Variants in COL4A1 observed in about 807,000 individuals in gnomAD.
COL4A1 encodes the protein collagen alpha-1(IV) chain.
COL4A1 carries 40 observed loss-of-function variants against 216.6 expected under a neutral mutation model. That is an observed-to-expected ratio of 0.18 (90% CI 0.14 to 0.24). COL4A1 has a LOEUF of 0.24. Ranked by LOEUF, COL4A1 falls within the 10% of genes least tolerant of loss-of-function variation. The probability of loss-of-function intolerance (pLI) is 1.00; values close to 1 mark genes in which losing one functional copy is unlikely to be tolerated. For missense variants in COL4A1, 1,628 were observed against 2,196.8 expected, an observed-to-expected ratio of 0.74 and a Z score of 5.18; for synonymous variants, 839 against 810.7, an observed-to-expected ratio of 1.03 and a Z score of -0.59.
rs7322509 is a variant in COL4A1 at position 110,227,397 on chromosome 13, C to A, written c.145-13382G>T. Reference sequence around the variant, plus strand: ...AGTATGGGTACGGTAGACACACACACACACACACACACACACACACACACA... The same window carrying A: ...AGTATGGGTACGGTAGACACACACAAACACACACACACACACACACACACA... On this transcript the variant is annotated intron_variant, in intron 2 of 51. Coordinates refer to ENST00000375820, the MANE Select transcript of COL4A1 (RefSeq NM_001845.6). Among the ~76,000 whole-genome samples the A allele has an allele frequency of 5.7e-3, 800 of 141,514 alleles. 7 individuals carry two copies. The highest frequency in any genetic ancestry group is 0.02 in the African/African-American group (761 of 37,842). 92.8% of individuals were successfully genotyped at this position (141,514 alleles called of 152,430 possible).
Position 110,169,871 on chromosome 13 carries a change from G to A in COL4A1, c.3743-109C>T. The stretch of plus-strand genomic sequence containing the variant: ...CACGGCCCCTCACTGATACAACACT[G>A]GACCAACAGTGACAACCCTTGAGAC... On this transcript the variant is annotated intron_variant, in intron 42 of 51. Transcript: ENST00000375820. 3 of 1,398,866 alleles carry A rather than the reference G, an allele frequency of 2.1e-6. No homozygotes were observed. In the South Asian group the frequency reaches 3.4e-5, roughly 16 times the overall value. 86.7% of individuals were successfully genotyped at this position (1,398,866 alleles called of 1,614,324 possible). A position where few individuals can be genotyped will look rare whatever the true frequency, so the allele number is the denominator to read the frequency against.
chr13:110,152,531 G>A (rs762912619), intron 50 of COL4A1, 25 bp from the exon 51 acceptor site: 3 of 1,598,374 alleles, frequency 1.9e-6, no homozygotes, highest in Admixed American at 1.7e-5. Flanking sequence ...CGAGCCGTGA[G>A]TCAGAGGTTC....
intron 50 of COL4A1, among the ~76,000 whole-genome samples, chr13:110,152,845 G>C (rs1300616033): frequency 2.6e-5 from 4 of 152,232 alleles, no homozygotes; most frequent in Non-Finnish European, 5.9e-5. Flanking sequence ...TGGGTCATGA[G>C]ACAATAGCCA....
chr13:110,267,413 G>A (rs935901516), intron 1 of COL4A1, among the ~76,000 whole-genome samples: 4 of 152,172 alleles, frequency 2.6e-5, no homozygotes, highest in Non-Finnish European at 5.9e-5. Flanking sequence ...TTGCACAGCT[G>A]TCATCTCAGT....
At position 110,177,890 on chromosome 13, in the gene COL4A1, G is replaced by A; in HGVS notation, c.2668C>T (p.Pro890Ser). The change falls in exon 33 of 52, where the codon CCG becomes TCG. Residue 890 changes from proline (P) to serine (S), a missense_variant. Around this residue, in one of 8 missense-constraint regions of COL4A1, gnomAD observed 701 missense variants for 892.5 expected, o/e 0.79. Transcript: ENST00000375820. The stretch of plus-strand genomic sequence containing the variant: ...GCACCCACTGGTCCTGGTGAGCCCG[G>A]CTGCCCGGGGGTCCCCATGACGCCC... ...EMGVMGTPGQ[P>S]GSPGPVGAPG... 6.2e-7 allele frequency: 1 copy of A among 1,614,156 alleles called. No individual in the cohort carries two copies. The highest frequency in any genetic ancestry group is 8.5e-7 in the Non-Finnish European group (1 of 1,180,020).
intron 44 of COL4A1, among the ~76,000 whole-genome samples, chr13:110,166,875 A>G (rs1309029904): frequency 1.3e-5 from 2 of 152,230 alleles, no homozygotes; most frequent in African/African-American, 4.8e-5. Flanking sequence ...TGTGTGTTTA[A>G]TATATGAATA....
chr13:110,220,569 A>T (rs1378532615), intron 2 of COL4A1, among the ~76,000 whole-genome samples: 1 of 152,168 alleles, frequency 6.6e-6, no homozygotes, highest in Non-Finnish European at 1.5e-5. Context: ...CATGACTTTC[A>T]GATATCATGA....
intron 29 of COL4A1, among the ~76,000 whole-genome samples, chr13:110,179,899 T>C (rs1379115408): frequency 1.3e-5 from 2 of 152,224 alleles, no homozygotes; most frequent in Non-Finnish European, 2.9e-5. Context: ...AAATTAAGCA[T>C]TTTAAACTAT....
intron 15 of COL4A1, 111 bp downstream of exon 15, chr13:110,206,554 T>C (rs961913600): frequency 5.6e-6 from 7 of 1,242,568 alleles, no homozygotes; most frequent in Non-Finnish European, 8.3e-6. Flanking sequence ...ATGAAAGGGA[T>C]AAACTAGAAG....
At chr13:110,284,554 TC>T (rs1337142830) in intron 1 of COL4A1, among the ~76,000 whole-genome samples, 1 of 152,242 alleles carries the variant, frequency 6.6e-6, no homozygotes, top group African/African-American at 2.4e-5. Flanking sequence ...CCATCATTTT[TC>T]ACCGATTTTT....
At chr13:110,292,698 C>T (rs1383436565) in intron 1 of COL4A1, among the ~76,000 whole-genome samples, 1 of 152,162 alleles carries the variant, frequency 6.6e-6, no homozygotes. Context: ...CACTCACTAT[C>T]ATGAGAACAG....
intron 49 of COL4A1, among the ~76,000 whole-genome samples, chr13:110,156,367 G>T (rs754294438): frequency 6.6e-6 from 1 of 152,250 alleles, no homozygotes; most frequent in African/African-American, 2.4e-5. Flanking sequence ...TGCACTTAGT[G>T]AGTTGAGTAA....
chr13:110,207,400 T>C lies in COL4A1; in HGVS notation c.780+3A>G. 1 of 1,612,714 alleles carries C rather than the reference T, an allele frequency of 6.2e-7. No homozygotes were observed. The highest frequency in any genetic ancestry group is 1.6e-4 in the Middle Eastern group (1 of 6,062). On this transcript the variant is annotated splice_donor_region_variant and intron_variant, in intron 13 of 51. Transcript: ENST00000375820. This position sits in a 1 kb window ranked among gnomAD's most constrained non-coding sequence, Gnocchi z 4.4. ...AGTATTCACTGATGAAGCCCACTCA[T>C]ACCTTTTCTCCCTTGGTGGCGAAGT...
chr13:110,299,348 T>C (rs1884404440), intron 1 of COL4A1, among the ~76,000 whole-genome samples: 1 of 152,224 alleles, frequency 6.6e-6, no homozygotes, highest in Non-Finnish European at 1.5e-5. Flanking sequence ...CAGCTGATGC[T>C]GCTGTGAGCT....
chr13:110,203,167 C>A (rs984465528), intron 18 of COL4A1, among the ~76,000 whole-genome samples: 1 of 151,674 alleles, frequency 6.6e-6, no homozygotes, highest in African/African-American at 2.4e-5. Context: ...GAGCCAAGAT[C>A]GCACCACTGC....
intron 2 of COL4A1, among the ~76,000 whole-genome samples, chr13:110,217,663 T>G (rs957800924): frequency 2.6e-5 from 4 of 152,202 alleles, no homozygotes. Context: ...ATCAGTGCAA[T>G]GCAGAGCACT....
intron 26 of COL4A1, among the ~76,000 whole-genome samples, chr13:110,186,089 C>T (rs1454595600): frequency 6.6e-6 from 1 of 152,140 alleles, no homozygotes. Context: ...AATGACTTGA[C>T]CTCGGTGTGA....
In COL4A1 at chr13:110,220,888, C is replaced by G. The variant is rs72654147; in HGVS notation, c.145-6873G>C. 1.9e-3 allele frequency among the ~76,000 whole-genome samples: 289 copies of G among 152,292 alleles called. 2 individuals carry two copies. Among genetic ancestry groups the G allele is most frequent in the Non-Finnish European group, 3.3e-3 (222 of 68,022 alleles). Reference sequence around the variant, plus strand: ...CCGTATGGCCAAGCCTGGACTACAACTTTTATACTGGACTTCTGGCCCCAG... The same window carrying G: ...CCGTATGGCCAAGCCTGGACTACAAGTTTTATACTGGACTTCTGGCCCCAG... On this transcript the variant is annotated intron_variant, in intron 2 of 51. Coordinates refer to ENST00000375820, the MANE Select transcript of COL4A1 (RefSeq NM_001845.6).
chr13:110,210,942 A>C (rs1480074946), intron 8 of COL4A1, among the ~76,000 whole-genome samples: 1 of 152,070 alleles, frequency 6.6e-6, no homozygotes, highest in Non-Finnish European at 1.5e-5. Flanking sequence ...GGCCCCCACA[A>C]TCATGAGAAC....
Sources: allele counts gnomAD v4.1 joint callset (sites outside exome capture counted in the v4.1 genomes callset), GRCh38; gene constraint gnomAD v4.1.1; regional missense constraint gnomAD v4.1.1; non-coding constraint Gnocchi (gnomAD v3.1); transcripts MANE v1.5; gene names NCBI Gene and HGNC (gene_info 2026-07-23, HGNC 2026-07-21).